SPIDR: variants seen among roughly 807,000 people sequenced by gnomAD.
The protein encoded by SPIDR is DNA repair-scaffolding protein.
A neutral mutation model predicts 104.6 loss-of-function variants in SPIDR; 93 were observed. The ratio of observed to expected loss-of-function variants is 0.89; its 90% CI spans 0.75 to 1.06. The LOEUF is 1.06. SPIDR is among the 50% of genes least tolerant of loss of function. The pLI is 0.00. For synonymous variants in SPIDR, 431 were observed against 416.9 expected, an observed-to-expected ratio of 1.03 and a Z score of -0.41; for missense variants, 1,154 against 1,111.2, an observed-to-expected ratio of 1.04 and a Z score of -0.55.
intron 10 of SPIDR, among the ~76,000 whole-genome samples, chr8:47,634,160 A>G (rs1375866809): frequency 7.5e-6 from 1 of 134,162 alleles, no homozygotes; most frequent in Non-Finnish European, 1.7e-5. Flanking sequence ...ACTTTGAAAA[A>G]CAACGAAAAA....
chr8:47,338,054 GTTC>G (rs1366692587), intron 5 of SPIDR, among the ~76,000 whole-genome samples: 3 of 152,038 alleles, frequency 2.0e-5, no homozygotes, highest in African/African-American at 2.4e-5. Context: ...GGTTGTTTTG[GTTC>G]TTCTTATTCT....
chr8:47,305,908 C>A (rs2043017402), intron 5 of SPIDR, among the ~76,000 whole-genome samples: 1 of 152,094 alleles, frequency 6.6e-6, no homozygotes, highest in African/African-American at 2.4e-5. Context: ...CTACCATCAC[C>A]ACCTTCTATC....
chr8:47,650,119 TA>T (rs1417262197), intron 10 of SPIDR, among the ~76,000 whole-genome samples: 1 of 152,094 alleles, frequency 6.6e-6, no homozygotes, highest in African/African-American at 2.4e-5. Flanking sequence ...ACAATCAGGC[TA>T]CAGAATTAAA....
At chr8:47,456,824 A>G (rs2073065365) in intron 8 of SPIDR, among the ~76,000 whole-genome samples, 1 of 152,142 alleles carries the variant, frequency 6.6e-6, no homozygotes, top group Admixed American at 6.6e-5. Flanking sequence ...CTCATAGCTT[A>G]GCTCCCACTT....
intron 8 of SPIDR, among the ~76,000 whole-genome samples, chr8:47,521,607 A>G (rs1283828347): frequency 6.6e-6 from 1 of 151,482 alleles, no homozygotes; most frequent in Non-Finnish European, 1.5e-5. Flanking sequence ...TGTTTTTAGT[A>G]GAGATGGGGT....
Position 47,381,236 on chromosome 8 carries a change from T to G in SPIDR, c.526-15140T>G, listed in dbSNP as rs533359741. ...CTGATACACAGGCACTCAGTTAATG[T>G]GTTACATGAATAAATTTCATTTTAG... On this transcript the variant is annotated intron_variant, in intron 5 of 19. Transcript: ENST00000297423. Among the ~76,000 whole-genome samples the G allele has an allele frequency of 2.0e-5, 3 of 152,252 alleles. No individual in the cohort carries two copies. The South Asian group carries it at 6.2e-4, about 32-fold the overall frequency.
intron 8 of SPIDR, among the ~76,000 whole-genome samples, chr8:47,497,337 C>T (rs888489129): frequency 2.0e-5 from 3 of 152,018 alleles, no homozygotes; most frequent in Non-Finnish European, 4.4e-5. Flanking sequence ...TACAGTCATT[C>T]ACAAATATAA....
intron 8 of SPIDR, among the ~76,000 whole-genome samples, chr8:47,460,274 T>C (rs2073730094): frequency 1.3e-5 from 2 of 152,200 alleles, no homozygotes; most frequent in East Asian, 3.8e-4. Flanking sequence ...GTCTATCTCG[T>C]TACTTATGTC....
chr8:47,719,853 G>C (rs538562385), intron 16 of SPIDR, among the ~76,000 whole-genome samples: 3 of 152,204 alleles, frequency 2.0e-5, no homozygotes, highest in East Asian at 3.9e-4. Flanking sequence ...CAGGAGCCAG[G>C]GCTCCCATGC....
intron 16 of SPIDR, among the ~76,000 whole-genome samples, chr8:47,726,019 A>G (rs1342491593): frequency 1.3e-5 from 2 of 152,214 alleles, no homozygotes; most frequent in African/African-American, 2.4e-5. Flanking sequence ...ACAGTGGCAG[A>G]TGTGCTCTGG....
At chr8:47,594,999 AAAAAGAAAAAG>A (rs1051420538) in intron 8 of SPIDR, among the ~76,000 whole-genome samples, 12 of 152,140 alleles carry the variant, frequency 7.9e-5, no homozygotes, top group East Asian at 3.8e-4. Context: ...CATGTCTCAA[AAAAAGAAAAAG>A]AAAAGAAAAA....
chr8:47,545,215 G>A (rs915772619), intron 8 of SPIDR, among the ~76,000 whole-genome samples: 8 of 149,940 alleles, frequency 5.3e-5, no homozygotes, highest in African/African-American at 2.0e-4. Context: ...CTGCCTCCTG[G>A]GTTCAAGCGA....
At chr8:47,265,434 T>C (rs1408478918) in intron 1 of SPIDR, among the ~76,000 whole-genome samples, 1 of 151,910 alleles carries the variant, frequency 6.6e-6, no homozygotes, top group African/African-American at 2.4e-5. Flanking sequence ...CAAGCCGTTC[T>C]TTCTCCTTGG....
At chr8:47,337,163 T>C (rs1308984781) in intron 5 of SPIDR, among the ~76,000 whole-genome samples, 4 of 152,186 alleles carry the variant, frequency 2.6e-5, no homozygotes, top group African/African-American at 4.8e-5. Context: ...AGTCTTGCTC[T>C]ATCACCCAGG....
At chr8:47,521,711 C>T (rs540069983) in intron 8 of SPIDR, among the ~76,000 whole-genome samples, 59 of 151,808 alleles carry the variant, frequency 3.9e-4, no homozygotes, top group Admixed American at 8.5e-4. Context: ...CGTGAGCCAC[C>T]GCGCCTGGCC....
At chr8:47,350,448 G>A (rs1328378552) in intron 5 of SPIDR, among the ~76,000 whole-genome samples, 3 of 152,140 alleles carry the variant, frequency 2.0e-5, no homozygotes, top group Admixed American at 2.0e-4. Flanking sequence ...CACTTAGCTG[G>A]GATTACAGGC....
chr8:47,277,327 TA>T (rs1435407662), intron 1 of SPIDR, among the ~76,000 whole-genome samples: 5 of 72,852 alleles, frequency 6.9e-5, no homozygotes, highest in African/African-American at 2.2e-4. Flanking sequence ...TATGTTATGT[TA>T]TGTTATGTTA....
At chr8:47,487,787 A>C (rs1284865157) in intron 8 of SPIDR, among the ~76,000 whole-genome samples, 1 of 152,232 alleles carries the variant, frequency 6.6e-6, no homozygotes, top group Non-Finnish European at 1.5e-5. Flanking sequence ...GGCTGAAATA[A>C]AGATGTTCTT....
chr8:47,375,590 C>A (rs565428507), intron 5 of SPIDR, among the ~76,000 whole-genome samples: 1 of 152,106 alleles, frequency 6.6e-6, no homozygotes, highest in South Asian at 2.1e-4. Flanking sequence ...AAAGCACGGC[C>A]TTCAAAGAAA....
Sources: allele counts gnomAD v4.1 joint callset (sites outside exome capture counted in the v4.1 genomes callset), GRCh38; gene constraint gnomAD v4.1.1; transcripts MANE v1.5; gene names NCBI Gene and HGNC (gene_info 2026-07-23, HGNC 2026-07-21).